Variants in SKAP2 observed in about 807,000 individuals in gnomAD.
SKAP2 encodes src kinase associated phosphoprotein 2.
A neutral mutation model predicts 54.9 loss-of-function variants in SKAP2; 28 were observed. The ratio of observed to expected loss-of-function variants is 0.51; its 90% CI spans 0.38 to 0.70. The LOEUF (loss-of-function observed/expected upper bound fraction) is 0.70. Ranked by LOEUF, SKAP2 falls within the 30% of genes least tolerant of loss-of-function variation. SKAP2 has a pLI of 0.00. For missense variants in SKAP2, 356 were observed against 424.1 expected, an observed-to-expected ratio of 0.84 and a Z score of 1.41; for synonymous variants, 137 against 134.3, an observed-to-expected ratio of 1.02 and a Z score of -0.14.
rs532223918 is a variant in SKAP2, at chr7:26,795,915, G to A, written c.307+48115C>T. Reference sequence around the variant, plus strand: ...TGAACAACACAGGTTTGAACTGCACGAGTCCACTTATCCATGGATTTTTTC... The same window carrying A: ...TGAACAACACAGGTTTGAACTGCACAAGTCCACTTATCCATGGATTTTTTC... On this transcript the variant is annotated intron_variant, in intron 4 of 12. Transcript: ENST00000345317. Among the ~76,000 whole-genome samples the A allele has an allele frequency of 7.9e-4, 120 of 152,284 alleles. 2 individuals are homozygous for A. The highest frequency in any genetic ancestry group is 1.4e-3 in the Non-Finnish European group (97 of 68,026).
At chr7:26,803,812 T>C (rs1228997257) in intron 4 of SKAP2, among the ~76,000 whole-genome samples, 1 of 152,152 alleles carries the variant, frequency 6.6e-6, no homozygotes, top group Non-Finnish European at 1.5e-5. Flanking sequence ...ATCCAGTCAT[T>C]TGCAACAACA....
At chr7:26,818,753 G>A (rs577357313) in intron 4 of SKAP2, among the ~76,000 whole-genome samples, 2 of 151,894 alleles carry the variant, frequency 1.3e-5, no homozygotes, top group African/African-American at 2.4e-5. Flanking sequence ...CATCAAAAAG[G>A]GGGTAAAGGA....
intron 4 of SKAP2, among the ~76,000 whole-genome samples, chr7:26,793,264 A>G (rs903186348): frequency 9.2e-5 from 14 of 152,180 alleles, no homozygotes; most frequent in African/African-American, 3.4e-4. Flanking sequence ...TATACTGCTA[A>G]TTCTCCAAAA....
intron 3 of SKAP2, among the ~76,000 whole-genome samples, chr7:26,844,673 TA>T (rs1237760508): frequency 6.6e-6 from 1 of 152,184 alleles, no homozygotes; most frequent in African/African-American, 2.4e-5. Context: ...TAGAGAGGAT[TA>T]AAAATAATCT....
At chr7:26,714,367 T>C (rs1314848695) in intron 9 of SKAP2, among the ~76,000 whole-genome samples, 2 of 152,228 alleles carry the variant, frequency 1.3e-5, no homozygotes, top group Non-Finnish European at 2.9e-5. Context: ...TAAGTGGCTA[T>C]AAGCAGTTGT....
At chr7:26,850,018 T>G (rs1410780607) in intron 3 of SKAP2, among the ~76,000 whole-genome samples, 1 of 152,172 alleles carries the variant, frequency 6.6e-6, no homozygotes, top group Non-Finnish European at 1.5e-5. Flanking sequence ...AAGACACAAC[T>G]ATAGCCCAAA....
chr7:26,829,188 C>A (rs1784554989), intron 4 of SKAP2, among the ~76,000 whole-genome samples: 1 of 152,000 alleles, frequency 6.6e-6, no homozygotes, highest in South Asian at 2.1e-4. Flanking sequence ...ATCTGATAAG[C>A]AACTAGTATC....
chr7:26,738,625 G>A (rs1377400382), intron 6 of SKAP2, among the ~76,000 whole-genome samples, 170 bp downstream of exon 6: 2 of 152,012 alleles, frequency 1.3e-5, no homozygotes, highest in East Asian at 3.9e-4. Flanking sequence ...TCTGGTATTT[G>A]GAGCATTTGT....
chr7:26,733,211 A>G (rs1251419911), intron 6 of SKAP2, among the ~76,000 whole-genome samples: 1 of 152,148 alleles, frequency 6.6e-6, no homozygotes. Context: ...TAAAATTGTA[A>G]TAATTTCTGA....
chr7:26,759,965 G>C (rs1205011374), intron 4 of SKAP2, among the ~76,000 whole-genome samples: 1 of 120,852 alleles, frequency 8.3e-6, no homozygotes, highest in South Asian at 2.5e-4. Context: ...AAAGCTTTGA[G>C]TGAAAAAAAG....
intron 4 of SKAP2, among the ~76,000 whole-genome samples, chr7:26,766,169 C>T (rs1451872032): frequency 6.6e-6 from 1 of 152,124 alleles, no homozygotes; most frequent in East Asian, 1.9e-4. Flanking sequence ...TGTAGTTCTC[C>T]TTGAAGAGGT....
At chr7:26,698,703 C>A (rs774985454) in intron 9 of SKAP2, among the ~76,000 whole-genome samples, 4 of 152,126 alleles carry the variant, frequency 2.6e-5, no homozygotes, top group Non-Finnish European at 5.9e-5. Context: ...CATGGAACAC[C>A]ATTTTTACTT....
chr7:26,703,813 T>C (rs1787100109), intron 9 of SKAP2, among the ~76,000 whole-genome samples: 1 of 152,328 alleles, frequency 6.6e-6, no homozygotes, highest in African/African-American at 2.4e-5. Flanking sequence ...ATTTTACAGA[T>C]AATGAAACGA....
At chr7:26,836,773 G>C (rs1379866064) in intron 4 of SKAP2, among the ~76,000 whole-genome samples, 1 of 152,234 alleles carries the variant, frequency 6.6e-6, no homozygotes, top group East Asian at 1.9e-4. Context: ...GTGGAAGACA[G>C]TGTGACGATT....
chr7:26,854,864 G>A lies in SKAP2; in HGVS notation c.94C>T (p.Leu32=). The change falls in exon 2 of 13, where the codon CTG becomes TTG. Residue 32 remains leucine (L), a synonymous_variant. Transcript: ENST00000345317. ...TTCTTGGATAAATTTTCTCCTTTCA[G>A]TATATCTGCTACAAATGTTTCAACA... ...ADVETFVADI[L]KGENLSKKAK... The A allele has an allele frequency of 6.3e-7, 1 of 1,596,228 alleles. No individual in the cohort carries two copies. Among genetic ancestry groups the A allele is most frequent in the East Asian group, 2.2e-5 (1 of 44,516 alleles).
chr7:26,677,449 C>A (rs1786376212), intron 11 of SKAP2, among the ~76,000 whole-genome samples: 1 of 150,512 alleles, frequency 6.6e-6, no homozygotes, highest in South Asian at 2.1e-4. Flanking sequence ...TCTATTGGCT[C>A]TATGCTCCCC....
chr7:26,809,476 A>AAATGTCC (rs1784093654), intron 4 of SKAP2, among the ~76,000 whole-genome samples: 1 of 152,164 alleles, frequency 6.6e-6, no homozygotes, highest in Non-Finnish European at 1.5e-5. Context: ...GAAGACCTAC[A>AAATGTCC]AATGTCCAAC....
chr7:26,694,662 A>C (rs1397842955), intron 9 of SKAP2, among the ~76,000 whole-genome samples: 1 of 146,098 alleles, frequency 6.8e-6, no homozygotes, highest in Admixed American at 6.9e-5. Context: ...CTGAAGAATT[A>C]AAAAAAAAAA....
At chr7:26,749,842 T>A (rs1782643271) in intron 4 of SKAP2, among the ~76,000 whole-genome samples, 1 of 151,704 alleles carries the variant, frequency 6.6e-6, no homozygotes, top group Admixed American at 6.6e-5. Context: ...CAACTGTTTC[T>A]ATTATCTCCA....
Sources: gnomAD v4.1 joint callset for allele counts (sites outside exome capture counted in the v4.1 genomes callset) on GRCh38, gnomAD v4.1.1 for gene constraint, MANE v1.5 for transcripts, NCBI Gene and HGNC (gene_info 2026-07-23, HGNC 2026-07-21) for gene names.